DLGAP2: variants seen among roughly 807,000 people sequenced by gnomAD.
DLGAP2 encodes DLG associated protein 2, also known as disks large-associated protein 2.
A neutral mutation model predicts 100.3 loss-of-function variants in DLGAP2; 26 were observed. The ratio of observed to expected loss-of-function variants is 0.26; its 90% CI spans 0.19 to 0.36. The LOEUF is 0.36. DLGAP2 is among the 10% of genes least tolerant of loss of function. DLGAP2 has a pLI of 1.00. For missense variants in DLGAP2, 1,858 were observed against 1,453.2 expected, an observed-to-expected ratio of 1.28 and a Z score of -4.53; for synonymous variants, 886 against 630.1, an observed-to-expected ratio of 1.41 and a Z score of -6.08.
chr8:1,568,448 G>T (rs1205555426), intron 6 of DLGAP2, among the ~76,000 whole-genome samples: 1 of 145,306 alleles, frequency 6.9e-6, no homozygotes, highest in African/African-American at 2.6e-5. Flanking sequence ...TCTGCCCGTG[G>T]CCCCCGTGCC....
chr8:1,421,703 C>A (rs571947412), intron 3 of DLGAP2, among the ~76,000 whole-genome samples: 1 of 152,302 alleles, frequency 6.6e-6, no homozygotes, highest in South Asian at 2.1e-4. Flanking sequence ...CAGTGGCTCA[C>A]GCCTGTAATC....
chr8:862,585 G>A (rs775793899), intron 1 of DLGAP2, among the ~76,000 whole-genome samples: 3 of 152,120 alleles, frequency 2.0e-5, no homozygotes, highest in Admixed American at 2.0e-4. Context: ...GAGCTGCCTC[G>A]CCTGGCCAGA....
At chr8:1,354,296 A>T (rs2129636839) in intron 3 of DLGAP2, among the ~76,000 whole-genome samples, 1 of 152,322 alleles carries the variant, frequency 6.6e-6, no homozygotes, top group East Asian at 1.9e-4. Context: ...GCCTGAGGCC[A>T]GGAGTTTGAG....
intron 4 of DLGAP2, among the ~76,000 whole-genome samples, chr8:1,524,675 A>G (rs962715294): frequency 6.6e-6 from 1 of 152,100 alleles, no homozygotes; most frequent in Non-Finnish European, 1.5e-5. Context: ...CCATATAATC[A>G]CATAAAAAAC....
chr8:1,474,454 C>G (rs1046523437), intron 3 of DLGAP2, among the ~76,000 whole-genome samples: 1 of 152,208 alleles, frequency 6.6e-6, no homozygotes, highest in Non-Finnish European at 1.5e-5. Flanking sequence ...GGAATCTCCT[C>G]ACTGTTTTCC....
In DLGAP2 at chr8:1,601,930, A is replaced by G. The variant is rs369801615; in HGVS notation, c.1443-24810A>G. On this transcript the variant is annotated intron_variant, in intron 6 of 14. Coordinates refer to ENST00000637795, the MANE Select transcript of DLGAP2 (RefSeq NM_001346810.2). Reference sequence around the variant, plus strand: ...CTATGTAGTCACTTTTGATCCTAAAACCTTAATTTAACAGGGTGTGTGTGT... The same window carrying G: ...CTATGTAGTCACTTTTGATCCTAAAGCCTTAATTTAACAGGGTGTGTGTGT... Among the ~76,000 whole-genome samples the G allele has an allele frequency of 2.1e-4, 30 of 142,716 alleles. 1 individual carries two copies. In the South Asian group the frequency reaches 6.8e-3, roughly 32 times the overall value. The allele number at this position is 142,716 out of a possible 152,430, so 93.6% of individuals were successfully genotyped here. A position where few individuals can be genotyped will look rare whatever the true frequency, so the allele number is the denominator to read the frequency against.
At position 860,123 on chromosome 8, in the gene DLGAP2, T is replaced by C. The variant is rs920689040; in HGVS notation, c.19-47789T>C. On this transcript the variant is annotated intron_variant, in intron 1 of 14. Coordinates refer to ENST00000637795, the MANE Select transcript of DLGAP2 (RefSeq NM_001346810.2). ...GGATAAATATTTCTGATTTTTGGCC[T>C]TTTTGGTTTTTGCTGTAGATGCTGT... Among the ~76,000 whole-genome samples, 5 of 152,212 alleles carry C rather than the reference T, an allele frequency of 3.3e-5. No individual in the cohort carries two copies. The South Asian group carries it at 8.3e-4, about 25-fold the overall frequency.
At chr8:764,489 C>T (rs1039875390) in intron 1 of DLGAP2, among the ~76,000 whole-genome samples, 3 of 152,178 alleles carry the variant, frequency 2.0e-5, no homozygotes, top group African/African-American at 7.2e-5. Context: ...ATCAATGTGT[C>T]TTCTGACAGG....
chr8:1,242,473 T>C (rs1400005928), intron 2 of DLGAP2, among the ~76,000 whole-genome samples: 5 of 152,354 alleles, frequency 3.3e-5, no homozygotes, highest in African/African-American at 9.6e-5. Flanking sequence ...TTGTTTCTTA[T>C]GAAATGTCCC....
chr8:776,983 C>T (rs933474862), intron 1 of DLGAP2, among the ~76,000 whole-genome samples: 2 of 152,084 alleles, frequency 1.3e-5, no homozygotes, highest in African/African-American at 4.8e-5. Context: ...ATGTGGGAGT[C>T]TAAGTCTCTT....
chr8:1,424,805 C>A (rs547686704), intron 3 of DLGAP2, among the ~76,000 whole-genome samples: 1 of 152,250 alleles, frequency 6.6e-6, no homozygotes, highest in South Asian at 2.1e-4. Flanking sequence ...ACAGTATGAT[C>A]CCCTTATACG....
In DLGAP2 at chr8:1,633,043, G is replaced by A. The variant is rs1797688412; in HGVS notation, c.1807G>A (p.Ala603Thr). ...SDITSTIRST[A>T]AVSYTNYKKT... Reference sequence around the variant, plus strand: ...CATCACCTCCACCATCAGGTCAACAGCAGGTAAGGGGACGCCATTTTCAGC... The same window carrying A: ...CATCACCTCCACCATCAGGTCAACAACAGGTAAGGGGACGCCATTTTCAGC... Residue 603 changes from alanine (A) to threonine (T), a missense_variant, in exon 8 of 15, where the codon GCA becomes ACA. Coordinates refer to ENST00000637795, the MANE Select transcript of DLGAP2 (RefSeq NM_001346810.2). 3 of 1,613,946 alleles carry A rather than the reference G, an allele frequency of 1.9e-6. No homozygotes were observed. The highest frequency in any genetic ancestry group is 2.5e-6 in the Non-Finnish European group (3 of 1,179,884).
Position 1,436,574 on chromosome 8 carries a change from A to G in DLGAP2, c.107-64792A>G, listed in dbSNP as rs902791338. On this transcript the variant is annotated intron_variant, in intron 3 of 14. Coordinates refer to ENST00000637795, the MANE Select transcript of DLGAP2 (RefSeq NM_001346810.2). The stretch of plus-strand genomic sequence containing the variant: ...TTCAATCCAATCAGGTTGACACTCC[A>G]TATTAACCATCACAGTATGCTAAGG... Among the ~76,000 whole-genome samples the G allele has an allele frequency of 3.9e-5, 6 of 152,222 alleles. No homozygotes were observed. The East Asian group carries it at 1.2e-3, about 29-fold the overall frequency.
intron 2 of DLGAP2, among the ~76,000 whole-genome samples, chr8:1,226,706 TC>T (rs1191037741): frequency 1.3e-5 from 2 of 152,266 alleles, no homozygotes; most frequent in Admixed American, 6.5e-5. Flanking sequence ...GATTTGCATT[TC>T]CCTGAGGATT....
At chr8:1,571,047 A>AGGG in intron 6 of DLGAP2, among the ~76,000 whole-genome samples, 1 of 62,354 alleles carries the variant, frequency 1.6e-5, no homozygotes, top group East Asian at 5.8e-4. Flanking sequence ...GAGAGGAGAG[A>AGGG]GGTGAACTGT....
intron 2 of DLGAP2, among the ~76,000 whole-genome samples, chr8:935,233 C>A (rs936126364): frequency 5.9e-5 from 9 of 152,216 alleles, no homozygotes; most frequent in Non-Finnish European, 1.0e-4. Context: ...GGGTCAAGGG[C>A]TCAGAGATGT....
rs185973007 is a variant in DLGAP2, at chr8:1,008,530, G to C, written c.73+100564G>C. On this transcript the variant is annotated intron_variant, in intron 2 of 14. Coordinates refer to ENST00000637795, the MANE Select transcript of DLGAP2 (RefSeq NM_001346810.2). ...TTCTTATTGATGCATTATAATTTCC[G>C]ATGGCTGTTCCTGAACAAGAAAAAG... Among the ~76,000 whole-genome samples the C allele has an allele frequency of 3.1e-4, 47 of 152,296 alleles. 1 individual carries two copies. The South Asian group carries it at 9.1e-3, about 30-fold the overall frequency.
At chr8:1,093,730 C>G (rs1804270693) in intron 2 of DLGAP2, among the ~76,000 whole-genome samples, 1 of 152,282 alleles carries the variant, frequency 6.6e-6, no homozygotes, top group Non-Finnish European at 1.5e-5. Flanking sequence ...TTCACACTGA[C>G]AGCCAGACAG....
chr8:943,285 A>T (rs1023088540), intron 2 of DLGAP2, among the ~76,000 whole-genome samples: 3 of 149,688 alleles, frequency 2.0e-5, no homozygotes, highest in Non-Finnish European at 3.0e-5. Flanking sequence ...CTTTCTGCAC[A>T]GCGTGTCATC....
Sources: gnomAD v4.1 joint callset for allele counts (sites outside exome capture counted in the v4.1 genomes callset) on GRCh38, gnomAD v4.1.1 for gene constraint, MANE v1.5 for transcripts, NCBI Gene and HGNC (gene_info 2026-07-23, HGNC 2026-07-21) for gene names.